The following THY1 variants were observed in gnomAD, a reference collection of about 807,000 sequenced individuals.
THY1 encodes the protein Thy-1 cell surface antigen.
In THY1, 10 loss-of-function variants were observed where a neutral mutation model predicts 14.9. The observed-to-expected ratio is 0.67, with a 90% CI of 0.41 to 1.14. The LOEUF is 1.14. THY1 is among the 50% of genes most tolerant of loss of function. The pLI is 0.00. For missense variants in THY1, 159 were observed against 202.1 expected (o/e 0.79, Z 1.29); for synonymous variants, 80 against 90.0 (o/e 0.89, Z 0.63).
At position 119,415,786 on chromosome 11, in the gene THY1, G is replaced by C. The variant is rs1422180607; in HGVS notation, c.*3622C>G. Among the ~76,000 whole-genome samples, 1 of 152,220 alleles carries C rather than the reference G, an allele frequency of 6.6e-6. No homozygotes were observed. Among genetic ancestry groups the C allele is most frequent in the Admixed American group, 6.5e-5 (1 of 15,284 alleles). ...TGTTGGGGACATTCCAGGCCTGAGA[G>C]TGTCCTGAGGCTGAGAGCCCCTGTT... On this transcript the variant is annotated 3_prime_UTR_variant, in exon 4 of 4. Coordinates refer to ENST00000284240, the MANE Select transcript of THY1 (RefSeq NM_006288.5).
At position 119,419,067 on chromosome 11, in the gene THY1, A is replaced by G. The variant is rs1861838190; in HGVS notation, c.*341T>C. 2 of 356,094 alleles carry G rather than the reference A, an allele frequency of 5.6e-6. No homozygotes were observed. Among genetic ancestry groups the G allele is most frequent in the Non-Finnish European group, 1.1e-5 (2 of 181,398 alleles). The allele number at this position is 356,094 out of a possible 1,614,324, so 22.1% of individuals were successfully genotyped here. A position where few individuals can be genotyped will look rare whatever the true frequency, so the allele number is the denominator to read the frequency against. On this transcript the variant is annotated 3_prime_UTR_variant, in exon 4 of 4. Coordinates refer to ENST00000284240, the MANE Select transcript of THY1 (RefSeq NM_006288.5). Reference sequence around the variant, plus strand: ...CCAGTGGCTGGTACCCCACCATCCCACTACCCCTCACATGCTCTCACTCTC... The same window carrying G: ...CCAGTGGCTGGTACCCCACCATCCCGCTACCCCTCACATGCTCTCACTCTC...
intron 1 of THY1, 40 bp downstream of exon 1, chr11:119,423,073 C>T (rs1565327406): frequency 6.6e-6 from 3 of 456,002 alleles, no homozygotes; most frequent in South Asian, 3.1e-5. Context: ...CGCCTGACGG[C>T]GGTCCCCGAG....
In THY1 at chr11:119,419,182, G is replaced by A. The variant is rs1861841115; in HGVS notation, c.*226C>T. On this transcript the variant is annotated 3_prime_UTR_variant, in exon 4 of 4. Coordinates refer to ENST00000284240, the MANE Select transcript of THY1 (RefSeq NM_006288.5). The stretch of plus-strand genomic sequence containing the variant: ...AAATAAACCAGACAGAAGCAGCTCT[G>A]GAACAAAAAGTACAAAAAGACAGCC... The A allele has an allele frequency of 1.7e-6, 1 of 575,724 alleles. No individual in the cohort carries two copies. Among genetic ancestry groups the A allele is most frequent in the Non-Finnish European group, 3.2e-6 (1 of 309,574 alleles). The allele number at this position is 575,724 out of a possible 1,614,324, so 35.7% of individuals were successfully genotyped here. A position where few individuals can be genotyped will look rare whatever the true frequency, so the allele number is the denominator to read the frequency against.
Position 119,419,010 on chromosome 11 carries a change from G to A in THY1, c.*398C>T, listed in dbSNP as rs1861836974. 1 of 325,190 alleles carries A rather than the reference G, an allele frequency of 3.1e-6. No homozygotes were observed. The highest frequency in any genetic ancestry group is 6.0e-6 in the Non-Finnish European group (1 of 165,832). The allele number at this position is 325,190 out of a possible 1,614,324, so 20.1% of individuals were successfully genotyped here. A position where few individuals can be genotyped will look rare whatever the true frequency, so the allele number is the denominator to read the frequency against. ...CACTCCTCATCCAAGTCTCTCCCAG[G>A]TTTCTGGTCCCGATGGGCAAGGATG... On this transcript the variant is annotated 3_prime_UTR_variant, in exon 4 of 4. Transcript: ENST00000284240.
rs1227235040 is a variant in THY1, at chr11:119,422,914, A to ATCAGGGTG, written c.-25+191_-25+198dup. ...CCCGGGAGCGCCTTCCCCGAAAGAC[A>ATCAGGGTG]TCAGGGTGCCACGCGGCCCCTGCCC... On this transcript the variant is annotated intron_variant, in intron 1 of 3. Transcript: ENST00000284240. This position sits in a 1 kb window ranked among gnomAD's most constrained non-coding sequence, Gnocchi z 7.0. 9.9e-5 allele frequency among the ~76,000 whole-genome samples: 15 copies of ATCAGGGTG among 152,230 alleles called. No homozygotes were observed. Among genetic ancestry groups the ATCAGGGTG allele is most frequent in the East Asian group, 7.8e-4 (4 of 5,156 alleles).
In THY1 at chr11:119,417,693, T is replaced by A. The variant is rs1409977685; in HGVS notation, c.*1715A>T. On this transcript the variant is annotated 3_prime_UTR_variant, in exon 4 of 4. Transcript: ENST00000284240. ...GGGACAGTATTTGTCCCCAGTCCTTTCTCCTGCCGATGCTTTTGGATTTAG... is the reference window on the plus strand; with the variant it reads ...GGGACAGTATTTGTCCCCAGTCCTTACTCCTGCCGATGCTTTTGGATTTAG... The A allele has an allele frequency of 6.6e-6, 1 of 152,202 alleles. No homozygotes were observed. The highest frequency in any genetic ancestry group is 2.4e-5 in the African/African-American group (1 of 41,426). 9.4% of individuals were successfully genotyped at this position (152,202 alleles called of 1,614,324 possible).
Position 119,422,638 on chromosome 11 carries a change from G to C in THY1, c.-25+475C>G. ...TCCGCCCGCCTTCCACCCAGTCCCCGCCTGCGGCACTGCGGCTTCCTTCTC... is the reference window on the plus strand; with the variant it reads ...TCCGCCCGCCTTCCACCCAGTCCCCCCCTGCGGCACTGCGGCTTCCTTCTC... On this transcript the variant is annotated intron_variant, in intron 1 of 3. Transcript: ENST00000284240. This position sits in a 1 kb window ranked among gnomAD's most constrained non-coding sequence, Gnocchi z 7.0. 4 of 164,970 alleles carry C rather than the reference G, an allele frequency of 2.4e-5. No homozygotes were observed. In the South Asian group the frequency reaches 3.7e-4, roughly 15 times the overall value. The allele number at this position is 164,970 out of a possible 1,614,324, so 10.2% of individuals were successfully genotyped here.
At chr11:119,419,973 G>A in intron 3 of THY1, 78 bp downstream of exon 3, 1 of 1,455,276 alleles carries the variant, frequency 6.9e-7, no homozygotes, top group Non-Finnish European at 9.3e-7. Flanking sequence ...CTCCTCTCTA[G>A]TCCAGCCAAG....
In THY1 at chr11:119,420,299, T is replaced by G; in HGVS notation, c.125A>C (p.Asn42Thr). The change falls in exon 3 of 4, where the codon AAT (asparagine) becomes ACT (threonine). Residue 42 changes from asparagine to threonine, a missense_variant. Physicochemically the swap from Asn to Thr is moderately conservative, Grantham distance 65. Transcript: ENST00000284240. ...QSLRLDCRHE[N>T]TSSSPIQYEF... is the part of the protein sequence containing the mutation. ...GTACTGGATGGGTGAACTGCTGGTA[T>G]TCTCATGGCGGCAGTCCAGACGAAG... is the stretch of plus-strand genomic sequence containing the variant. The G allele has an allele frequency of 6.2e-7, 1 of 1,614,220 alleles. No homozygotes were observed.
rs1385838456 is a variant in THY1, at chr11:119,419,468, C to T, written c.426G>A (p.Trp142Ter). 9 of 1,613,782 alleles carry T rather than the reference C, an allele frequency of 5.6e-6. No homozygotes were observed. The highest frequency in any genetic ancestry group is 6.8e-6 in the Non-Finnish European group (8 of 1,180,028). ...GISLLAQNTS[W>*]LLLLLLSLSL... ...AGAGGGAGAGCAGGAGCAGCAGCAGCCACGAGGTGTTCTGAGCCAGCAGGC... is the reference window on the plus strand; with the variant it reads ...AGAGGGAGAGCAGGAGCAGCAGCAGTCACGAGGTGTTCTGAGCCAGCAGGC... The change falls in exon 4 of 4, where the codon TGG (tryptophan) becomes TGA (stop). Residue 142 changes from tryptophan to a stop codon, truncating the protein, a stop_gained. Coordinates refer to ENST00000284240, the MANE Select transcript of THY1 (RefSeq NM_006288.5). LOFTEE classifies it high-confidence loss of function.
intron 3 of THY1, 55 bp from the exon 4 acceptor site, chr11:119,419,575 T>A: frequency 6.9e-7 from 1 of 1,459,032 alleles, no homozygotes; most frequent in Non-Finnish European, 9.6e-7. Flanking sequence ...GGATCAGGAC[T>A]CAGGCAGGCA....
intron 1 of THY1, 59 bp from the exon 2 acceptor site, chr11:119,420,988 G>A (rs1187283674): frequency 6.5e-7 from 1 of 1,541,440 alleles, no homozygotes; most frequent in South Asian, 1.1e-5. Context: ...ACCAGGGCTG[G>A]GGGTCCCTGG....
chr11:119,419,045 G>C lies in THY1; in HGVS notation c.*363C>G. ...CCGATGGGCAAGGATGACCCCTCCA[G>C]TGGCTGGTACCCCACCATCCCACTA... On this transcript the variant is annotated 3_prime_UTR_variant, in exon 4 of 4. Coordinates refer to ENST00000284240, the MANE Select transcript of THY1 (RefSeq NM_006288.5). 2 of 343,364 alleles carry C rather than the reference G, an allele frequency of 5.8e-6. No individual in the cohort carries two copies. The highest frequency in any genetic ancestry group is 4.7e-5 in the South Asian group (2 of 42,444). The allele number at this position is 343,364 out of a possible 1,614,324, so 21.3% of individuals were successfully genotyped here. A position where few individuals can be genotyped will look rare whatever the true frequency, so the allele number is the denominator to read the frequency against.
In THY1 at chr11:119,419,059, A is replaced by C. The variant is rs1861837932; in HGVS notation, c.*349T>G. The stretch of plus-strand genomic sequence containing the variant: ...TGACCCCTCCAGTGGCTGGTACCCC[A>C]CCATCCCACTACCCCTCACATGCTC... On this transcript the variant is annotated 3_prime_UTR_variant, in exon 4 of 4. Transcript: ENST00000284240. 2.9e-6 allele frequency: 1 copy of C among 350,418 alleles called. No homozygotes were observed. The highest frequency in any genetic ancestry group is 2.3e-5 in the South Asian group (1 of 44,170). The allele number at this position is 350,418 out of a possible 1,614,324, so 21.7% of individuals were successfully genotyped here.
chr11:119,419,407 G>A lies in THY1; in HGVS notation c.*1C>T, dbSNP rs775715893. ...CCTGTCTCCTCCATGGGCCCCACCA[G>A]TCACAGGGACATGAAATCCGTGGCC... On this transcript the variant is annotated 3_prime_UTR_variant, in exon 4 of 4. Coordinates refer to ENST00000284240, the MANE Select transcript of THY1 (RefSeq NM_006288.5). 1.5e-5 allele frequency: 25 copies of A among 1,613,788 alleles called. No individual in the cohort carries two copies. The highest frequency in any genetic ancestry group is 2.1e-5 in the Non-Finnish European group (25 of 1,179,728).
rs759052334 is a variant in THY1, at chr11:119,420,378, C to T, written c.46G>A (p.Val16Ile). The change falls in exon 3 of 4, where the codon GTC becomes ATC. Residue 16 changes from valine to isoleucine, a missense_variant. By Grantham distance (29) the Val-to-Ile change is conservative. Coordinates refer to ENST00000284240, the MANE Select transcript of THY1 (RefSeq NM_006288.5). ...CTGGTCACCTTCTGCCCTCGGGAGA[C>T]CTGCAAGACTGGCACCAGCAGTGCC... ...SIALLLTVLQ[V>I]SRGQKVTSLT... is the part of the protein sequence containing the mutation. 6.2e-7 allele frequency: 1 copy of T among 1,609,238 alleles called. No homozygotes were observed. Among genetic ancestry groups the T allele is most frequent in the Non-Finnish European group, 8.5e-7 (1 of 1,177,992 alleles).
Position 119,416,070 on chromosome 11 carries a change from A to G in THY1, c.*3338T>C, listed in dbSNP as rs1013838649. Reference sequence around the variant, plus strand: ...TGGCCAGTGAAAGTCCCCACATCTCACGGAGATCCCCATGCCCTTCCCGAG... The same window carrying G: ...TGGCCAGTGAAAGTCCCCACATCTCGCGGAGATCCCCATGCCCTTCCCGAG... On this transcript the variant is annotated 3_prime_UTR_variant, in exon 4 of 4. Transcript: ENST00000284240. Among the ~76,000 whole-genome samples the G allele has an allele frequency of 6.6e-6, 1 of 152,058 alleles. No homozygotes were observed. Among genetic ancestry groups the G allele is most frequent in the Non-Finnish European group, 1.5e-5 (1 of 68,014 alleles).
rs372570975 is a variant in THY1 at position 119,420,253 on chromosome 11, C to G, written c.171G>C (p.Glu57Asp). Residue 57 changes from glutamate (E) to aspartate (D), a missense_variant, in exon 3 of 4, where the codon GAG (glutamate) becomes GAC (aspartate). Physicochemically the swap from Glu to Asp is conservative, Grantham distance 45. Transcript: ENST00000284240. The part of the protein sequence containing the change: ...PIQYEFSLTR[E>D]TKKHVLFGTV... ...TGCCAAAGAGCACGTGCTTCTTTGTCTCACGGGTCAGGCTGAACTCGTACT... is the reference window on the plus strand; with the variant it reads ...TGCCAAAGAGCACGTGCTTCTTTGTGTCACGGGTCAGGCTGAACTCGTACT... 67 of 1,614,146 alleles carry G rather than the reference C, an allele frequency of 4.2e-5. No homozygotes were observed. Among genetic ancestry groups the G allele is most frequent in the Non-Finnish European group, 5.6e-5 (66 of 1,180,054 alleles).
Position 119,419,299 on chromosome 11 carries a change from C to G in THY1, c.*109G>C. ...CTCCTGATGAGGGGTGGGGTCCCCA[C>G]TTCTCCTCAAGGTTTGAGGGATTGG... is the stretch of plus-strand genomic sequence containing the variant. On this transcript the variant is annotated 3_prime_UTR_variant, in exon 4 of 4. Transcript: ENST00000284240. The G allele has an allele frequency of 5.8e-6, 6 of 1,036,398 alleles. No individual in the cohort carries two copies. The highest frequency in any genetic ancestry group is 8.9e-6 in the Non-Finnish European group (6 of 677,504). 64.2% of individuals were successfully genotyped at this position (1,036,398 alleles called of 1,614,324 possible).
Sources: allele counts gnomAD v4.1 joint callset (sites outside exome capture counted in the v4.1 genomes callset), GRCh38; gene constraint gnomAD v4.1.1; non-coding constraint Gnocchi (gnomAD v3.1); transcripts MANE v1.5; gene names NCBI Gene and HGNC (gene_info 2026-07-23, HGNC 2026-07-21).